Variants in CYYR1 observed in about 807,000 individuals in gnomAD.
CYYR1 encodes cysteine and tyrosine-rich protein 1.
CYYR1 carries 14 observed loss-of-function variants against 15.2 expected under a neutral mutation model. That is an observed-to-expected ratio of 0.92 (90% CI 0.61 to 1.44). CYYR1 has a LOEUF of 1.44. Ranked by LOEUF, CYYR1 falls within the 40% of genes most tolerant of loss-of-function variation. The pLI is 0.00. For synonymous variants in CYYR1, 80 were observed against 77.4 expected (o/e 1.03, Z -0.18); for missense variants, 228 against 209.5 (o/e 1.09, Z -0.54).
At chr21:26,508,191 A>G (rs764618429) in intron 2 of CYYR1, among the ~76,000 whole-genome samples, 1 of 152,214 alleles carries the variant, frequency 6.6e-6, no homozygotes, top group Non-Finnish European at 1.5e-5. Context: ...TTGGAAAACA[A>G]CAAGCGGCTT....
intron 1 of CYYR1, among the ~76,000 whole-genome samples, chr21:26,567,779 T>A (rs1277351341): frequency 1.3e-5 from 2 of 152,204 alleles, no homozygotes. Context: ...AACTGATTTA[T>A]CCAGAAAGGA....
chr21:26,571,175 C>T (rs1313715251), intron 1 of CYYR1, among the ~76,000 whole-genome samples: 1 of 152,198 alleles, frequency 6.6e-6, no homozygotes, highest in African/African-American at 2.4e-5. Flanking sequence ...GCTCAACATA[C>T]CTCACTCAGT....
chr21:26,477,524 C>A (rs371653684), intron 3 of CYYR1: 2 of 222,330 alleles, frequency 9.0e-6, no homozygotes, highest in Non-Finnish European at 1.5e-5. Flanking sequence ...ATATTTCCGT[C>A]GGCTAATTGA....
chr21:26,475,409 T>C (rs1454710507), intron 3 of CYYR1, among the ~76,000 whole-genome samples: 7 of 152,284 alleles, frequency 4.6e-5, no homozygotes, highest in Non-Finnish European at 4.4e-5. Context: ...GTGCTGTACA[T>C]AATGAATTGT....
At chr21:26,566,245 C>T in intron 2 of CYYR1, 21 bp downstream of exon 2, 4 of 1,572,486 alleles carry the variant, frequency 2.5e-6, no homozygotes, top group Non-Finnish European at 3.5e-6. Flanking sequence ...ATCAGTATTG[C>T]CAAATCTGAC....
chr21:26,516,238 T>G (rs222928), intron 2 of CYYR1, among the ~76,000 whole-genome samples: 2,046 of 152,350 alleles, frequency 0.013, 32 homozygotes, highest in South Asian at 0.088. Flanking sequence ...CTATGTAATT[T>G]GCATTGTGAC....
intron 2 of CYYR1, among the ~76,000 whole-genome samples, chr21:26,558,371 G>A (rs1322766958): frequency 2.0e-5 from 3 of 152,046 alleles, no homozygotes; most frequent in Non-Finnish European, 4.4e-5. Context: ...AATTTTTTGA[G>A]ACAGGGTCTT....
At position 26,566,309 on chromosome 21, in the gene CYYR1, G is replaced by C. The variant is rs765284239; in HGVS notation, c.133C>G (p.Pro45Ala). The C allele has an allele frequency of 1.9e-6, 3 of 1,613,914 alleles. No individual in the cohort carries two copies. The highest frequency in any genetic ancestry group is 2.5e-6 in the Non-Finnish European group (3 of 1,179,882). Residue 45 changes from proline to alanine, a missense_variant, in exon 2 of 4, where the codon CCC becomes GCC. Coordinates refer to ENST00000652641, the MANE Select transcript of CYYR1 (RefSeq NM_001320768.2). The stretch of plus-strand genomic sequence containing the variant: ...TAAGCGTAGTAGGAGCAACAGTAGG[G>C]CGTGGTTCCATCACAGCAGTAAGAT... ...CKSYCCDGTT[P>A]YCCSYYAYIG...
chr21:26,527,826 C>T (rs1386150291), intron 2 of CYYR1, among the ~76,000 whole-genome samples: 1 of 152,094 alleles, frequency 6.6e-6, no homozygotes, highest in Non-Finnish European at 1.5e-5. Context: ...GTGTGTGCAC[C>T]TGTTGATTTT....
intron 2 of CYYR1, among the ~76,000 whole-genome samples, chr21:26,539,902 T>C (rs887548978): frequency 1.3e-5 from 2 of 152,212 alleles, no homozygotes; most frequent in African/African-American, 4.8e-5. Context: ...CATTTTAATA[T>C]GTTTGGGTTC....
rs767529730 is a variant in CYYR1, at chr21:26,468,052, T to C, written c.*449A>G. ...CTCTTAGGCACTCAAAATACATTTATTGATGAATGAAAGAATGAACAATTC... is the reference window on the plus strand; with the variant it reads ...CTCTTAGGCACTCAAAATACATTTACTGATGAATGAAAGAATGAACAATTC... On this transcript the variant is annotated 3_prime_UTR_variant, in exon 4 of 4. Coordinates refer to ENST00000652641, the MANE Select transcript of CYYR1 (RefSeq NM_001320768.2). 1.0e-4 allele frequency: 23 copies of C among 226,332 alleles called. No homozygotes were observed. The highest frequency in any genetic ancestry group is 2.6e-4 in the Admixed American group (5 of 19,280). The allele number at this position is 226,332 out of a possible 1,614,324, so 14.0% of individuals were successfully genotyped here.
chr21:26,486,378 T>C (rs1013589431), intron 2 of CYYR1, among the ~76,000 whole-genome samples: 1 of 152,054 alleles, frequency 6.6e-6, no homozygotes. Flanking sequence ...TGCTTCTTTC[T>C]AAAAGACTGA....
At chr21:26,486,398 A>G (rs1004910619) in intron 2 of CYYR1, among the ~76,000 whole-genome samples, 2 of 151,942 alleles carry the variant, frequency 1.3e-5, no homozygotes, top group African/African-American at 4.8e-5. Context: ...ATTATTTTAC[A>G]TTTGATATTT....
chr21:26,505,200 C>A (rs1471702958), intron 2 of CYYR1, among the ~76,000 whole-genome samples: 1 of 152,174 alleles, frequency 6.6e-6, no homozygotes, highest in East Asian at 1.9e-4. Context: ...AGTTTTGATG[C>A]TGTTAATTAC....
At chr21:26,512,497 G>A (rs113809062) in intron 2 of CYYR1, among the ~76,000 whole-genome samples, 67 of 152,152 alleles carry the variant, frequency 4.4e-4, no homozygotes, top group Admixed American at 9.8e-4. Context: ...CACCGCGCCC[G>A]GCCCACAGAG....
At chr21:26,485,046 A>G (rs1293548312) in intron 2 of CYYR1, among the ~76,000 whole-genome samples, 1 of 152,112 alleles carries the variant, frequency 6.6e-6, no homozygotes, top group Non-Finnish European at 1.5e-5. Flanking sequence ...CCTGCATATA[A>G]ATAATTGGCT....
intron 2 of CYYR1, among the ~76,000 whole-genome samples, chr21:26,562,799 A>AC (rs1980321214): frequency 1.5e-5 from 2 of 132,492 alleles, no homozygotes; most frequent in African/African-American, 2.9e-5. Context: ...GACATACACA[A>AC]ACACACACAC....
At chr21:26,488,146 C>T (rs552702879) in intron 2 of CYYR1, among the ~76,000 whole-genome samples, 1 of 152,218 alleles carries the variant, frequency 6.6e-6, no homozygotes, top group East Asian at 1.9e-4. Context: ...AGCCCCATGA[C>T]AGAGACAATT....
intron 3 of CYYR1, 50 bp downstream of exon 3, chr21:26,480,204 CTTCTCTCTGTGAGGAGCA>C: frequency 6.9e-7 from 1 of 1,455,238 alleles, no homozygotes; most frequent in Non-Finnish European, 9.2e-7. Flanking sequence ...AGAATGTTTC[CTTCTCTCTGTGAGGAGCA>C]GAGGATAACT....
Sources: gnomAD v4.1 joint callset for allele counts (sites outside exome capture counted in the v4.1 genomes callset) on GRCh38, gnomAD v4.1.1 for gene constraint, MANE v1.5 for transcripts, NCBI Gene and HGNC (gene_info 2026-07-23, HGNC 2026-07-21) for gene names.